CDC14A: variants seen among roughly 807,000 people sequenced by gnomAD.
CDC14A encodes the protein cell division cycle 14A, also known as dual specificity protein phosphatase CDC14A.
In CDC14A, 53 loss-of-function variants were observed where a neutral mutation model predicts 74.4. The ratio of observed to expected loss-of-function variants is 0.71; its 90% confidence interval spans 0.57 to 0.89. The LOEUF is 0.89. CDC14A is among the 40% of genes least tolerant of loss of function. The pLI is 0.00. For missense variants in CDC14A, 646 were observed against 713.7 expected (o/e 0.91, Z 1.08); for synonymous variants, 247 against 258.4 (o/e 0.96, Z 0.43).
In CDC14A at chr1:100,378,296, T is replaced by G. The variant is rs931396944; in HGVS notation, c.216+675T>G. On this transcript the variant is annotated intron_variant, in intron 3 of 15. Coordinates refer to ENST00000336454, the MANE Select transcript of CDC14A (RefSeq NM_003672.4). ...ATCTATATACCTAGTTTTAGTAAACTTATTTTATCACACAGAAAGCAATAT... is the reference window on the plus strand; with the variant it reads ...ATCTATATACCTAGTTTTAGTAAACGTATTTTATCACACAGAAAGCAATAT... Among the ~76,000 whole-genome samples the G allele has an allele frequency of 3.3e-5, 5 of 152,100 alleles. 1 individual carries two copies. The highest frequency in any genetic ancestry group is 1.2e-4 in the African/African-American group (5 of 41,426).
intron 10 of CDC14A, among the ~76,000 whole-genome samples, chr1:100,473,402 T>C (rs1668578354): frequency 6.6e-6 from 1 of 152,204 alleles, no homozygotes; most frequent in African/African-American, 2.4e-5. Context: ...TTCTTTTTTT[T>C]TGAGACGGTG....
At chr1:100,464,908 T>C (rs1667640972) in intron 9 of CDC14A, among the ~76,000 whole-genome samples, 1 of 149,462 alleles carries the variant, frequency 6.7e-6, no homozygotes, top group Non-Finnish European at 1.5e-5. Context: ...ATATTGCAAA[T>C]TTCTTTTCTT....
At chr1:100,479,286 A>G (rs1014233796) in intron 10 of CDC14A, among the ~76,000 whole-genome samples, 1 of 152,200 alleles carries the variant, frequency 6.6e-6, no homozygotes, top group African/African-American at 2.4e-5. Context: ...TTCTTTTTTA[A>G]ATTTCAATAG....
intron 15 of CDC14A, among the ~76,000 whole-genome samples, chr1:100,501,886 AG>A (rs1051434089): frequency 6.6e-6 from 1 of 152,222 alleles, no homozygotes; most frequent in African/African-American, 2.4e-5. Flanking sequence ...AAATTTAGAA[AG>A]TAAATACTAA....
At chr1:100,468,662 TC>T (rs1668085583) in intron 10 of CDC14A, among the ~76,000 whole-genome samples, 1 of 152,212 alleles carries the variant, frequency 6.6e-6, no homozygotes, top group Non-Finnish European at 1.5e-5. Flanking sequence ...ATTCACTCAT[TC>T]ATTTATTCCC....
chr1:100,395,513 A>G (rs1658348403), intron 4 of CDC14A, among the ~76,000 whole-genome samples: 3 of 152,220 alleles, frequency 2.0e-5, no homozygotes, highest in Admixed American at 2.0e-4. Flanking sequence ...TTGAATCAGA[A>G]TGTATCTTTC....
At chr1:100,453,072 C>T (rs902031910) in intron 7 of CDC14A, among the ~76,000 whole-genome samples, 3 of 152,012 alleles carry the variant, frequency 2.0e-5, no homozygotes, top group Non-Finnish European at 4.4e-5. Context: ...AGATTTAGGT[C>T]TAAGACCTAA....
intron 4 of CDC14A, among the ~76,000 whole-genome samples, chr1:100,403,211 C>A (rs567009463): frequency 6.6e-6 from 1 of 152,156 alleles, no homozygotes; most frequent in Non-Finnish European, 1.5e-5. Context: ...CATACACACA[C>A]GCCATTCACA....
At chr1:100,396,302 T>C (rs953285517) in intron 4 of CDC14A, among the ~76,000 whole-genome samples, 6 of 152,120 alleles carry the variant, frequency 3.9e-5, no homozygotes, top group African/African-American at 1.4e-4. Flanking sequence ...AGTGGAGTGG[T>C]GTGCTGTGGG....
At chr1:100,437,788 A>G (rs1055180772) in intron 5 of CDC14A, among the ~76,000 whole-genome samples, 1 of 152,202 alleles carries the variant, frequency 6.6e-6, no homozygotes, top group African/African-American at 2.4e-5. Context: ...GGTAGCTTAC[A>G]TTAGTGACAT....
chr1:100,397,413 A>T, intron 4 of CDC14A, among the ~76,000 whole-genome samples: 1 of 152,224 alleles, frequency 6.6e-6, no homozygotes, highest in Non-Finnish European at 1.5e-5. Context: ...TGTTTAGATC[A>T]TTGTAGCATC....
intron 11 of CDC14A, 114 bp downstream of exon 11, chr1:100,484,565 T>G (rs1171035870): frequency 7.4e-7 from 1 of 1,343,252 alleles, no homozygotes; most frequent in Non-Finnish European, 9.6e-7. Flanking sequence ...GAGTACCAAG[T>G]TTTTAGAAGT....
upstream of CDC14A, among the ~76,000 whole-genome samples, chr1:100,352,003 T>TGTGTGC (rs1553167114): frequency 8.1e-5 from 10 of 122,794 alleles, no homozygotes; most frequent in African/African-American, 1.2e-4. Flanking sequence ...TGTGTGTGTG[T>TGTGTGC]GCGCGCGCGC....
chr1:100,516,571 G>T (rs28364918), intron 15 of CDC14A, among the ~76,000 whole-genome samples: 2 of 151,938 alleles, frequency 1.3e-5, no homozygotes, highest in Non-Finnish European at 2.9e-5. Flanking sequence ...ACACATACAC[G>T]CACAACATAC....
At chr1:100,407,858 A>G (rs937756257) in intron 4 of CDC14A, among the ~76,000 whole-genome samples, 3 of 152,162 alleles carry the variant, frequency 2.0e-5, no homozygotes, top group African/African-American at 7.2e-5. Context: ...GTAATTGTAC[A>G]TATTCATGGG....
chr1:100,485,460 G>GACC, intron 11 of CDC14A: 1 of 289,408 alleles, frequency 3.5e-6, no homozygotes, highest in Non-Finnish European at 5.2e-6. Flanking sequence ...AGTTACTTGG[G>GACC]AGACTGAGGT....
At chr1:100,358,248 G>A (rs1029127429) in intron 2 of CDC14A, among the ~76,000 whole-genome samples, 4 of 152,198 alleles carry the variant, frequency 2.6e-5, no homozygotes, top group African/African-American at 9.6e-5. Context: ...TCCCTGGAAA[G>A]GCTTGTTCTT....
At chr1:100,412,313 G>A (rs1334975562) in intron 4 of CDC14A, among the ~76,000 whole-genome samples, 1 of 152,008 alleles carries the variant, frequency 6.6e-6, no homozygotes, top group East Asian at 1.9e-4. Flanking sequence ...CTTAAAGTGG[G>A]GGATCTCCTG....
At chr1:100,375,178 C>A (rs916301005) in intron 2 of CDC14A, among the ~76,000 whole-genome samples, 1 of 152,086 alleles carries the variant, frequency 6.6e-6, no homozygotes, top group Non-Finnish European at 1.5e-5. Flanking sequence ...AAAAGGAGGA[C>A]ACTCTAGACA....
Sources: allele counts gnomAD v4.1 joint callset (sites outside exome capture counted in the v4.1 genomes callset), GRCh38; gene constraint gnomAD v4.1.1; transcripts MANE v1.5; gene names NCBI Gene and HGNC (gene_info 2026-07-23, HGNC 2026-07-21).